The following FTO variants were observed in gnomAD, a reference collection of about 807,000 sequenced individuals.
FTO encodes FTO alpha-ketoglutarate dependent dioxygenase.
Under a neutral mutation model 63.9 loss-of-function variants are expected in FTO, and 47 were observed. The ratio of observed to expected loss-of-function variants is 0.74; its 90% CI spans 0.58 to 0.94. The LOEUF (loss-of-function observed/expected upper bound fraction) is 0.94, where lower values mean the gene tolerates loss of function less well. FTO is among the 40% of genes least tolerant of loss of function. The probability of loss-of-function intolerance (pLI) is 0.00; values close to 1 mark genes in which losing one functional copy is unlikely to be tolerated. For synonymous variants in FTO, 207 were observed against 224.4 expected, an observed-to-expected ratio of 0.92 and a Z score of 0.69; for missense variants, 562 against 618.1, an observed-to-expected ratio of 0.91 and a Z score of 0.96.
intron 1 of FTO, chr16:53,764,092 G>A (rs1265594554): frequency 1.3e-5 from 2 of 152,178 alleles, no homozygotes; most frequent in Non-Finnish European, 2.9e-5. Context: ...AAGCTTGTAA[G>A]CATTCAGCAC....
chr16:54,009,066 A>G (rs1378859655), intron 8 of FTO, among the ~76,000 whole-genome samples: 1 of 151,950 alleles, frequency 6.6e-6, no homozygotes, highest in Non-Finnish European at 1.5e-5. Flanking sequence ...ACTTGATGGT[A>G]ACTAACAATG....
At chr16:54,079,459 CTTACTG>C (rs1162883534) in intron 8 of FTO, among the ~76,000 whole-genome samples, 2 of 152,176 alleles carry the variant, frequency 1.3e-5, no homozygotes, top group African/African-American at 2.4e-5. Flanking sequence ...GACGAACAGA[CTTACTG>C]TTGATGGCAG....
At chr16:53,987,082 C>T (rs1404148089) in intron 8 of FTO, among the ~76,000 whole-genome samples, 4 of 151,746 alleles carry the variant, frequency 2.6e-5, no homozygotes, top group Non-Finnish European at 4.4e-5. Context: ...CAAGAAAAGG[C>T]AGAAACAAAA....
At position 54,111,879 on chromosome 16, in the gene FTO, A is replaced by G. The variant is rs762447726; in HGVS notation, c.1482A>G (p.Ser494=). 6.2e-6 allele frequency: 10 copies of G among 1,614,152 alleles called. No individual in the cohort carries two copies. The South Asian group carries it at 9.9e-5, about 16-fold the overall frequency. The change falls in exon 9 of 9, where the codon TCA becomes TCG. Residue 494 remains serine, a synonymous_variant. Transcript: ENST00000471389. ...PLPFDLTDIV[S]ELRGQLLEAK... is the part of the protein sequence containing the mutation. ...CGTTTGACCTCACAGACATCGTTTC[A>G]GAACTCAGAGGTCAGCTTCTGGAAG... is the stretch of plus-strand genomic sequence containing the variant.
chr16:53,811,177 G>T (rs755494714), intron 2 of FTO, among the ~76,000 whole-genome samples: 11 of 152,158 alleles, frequency 7.2e-5, no homozygotes, highest in Non-Finnish European at 1.6e-4. Context: ...TTAGACATGG[G>T]TGGCTCTCCC....
intron 8 of FTO, among the ~76,000 whole-genome samples, chr16:54,028,130 A>G (rs2084754923): frequency 2.0e-5 from 3 of 152,170 alleles, no homozygotes. Flanking sequence ...ATTACTAATC[A>G]AGATTTGAGA....
chr16:53,756,706 T>G (rs1007708350), intron 1 of FTO, among the ~76,000 whole-genome samples: 1 of 152,188 alleles, frequency 6.6e-6, no homozygotes, highest in Admixed American at 6.5e-5. Flanking sequence ...TATAGTAAAC[T>G]AAGAGAGAGG....
At chr16:54,017,487 T>C (rs545516682) in intron 8 of FTO, among the ~76,000 whole-genome samples, 3 of 152,340 alleles carry the variant, frequency 2.0e-5, no homozygotes, top group African/African-American at 7.2e-5. Flanking sequence ...ATGCAGTGCC[T>C]TCCAGCCCCC....
chr16:54,031,884 A>C (rs1335622321), intron 8 of FTO, among the ~76,000 whole-genome samples: 1 of 152,224 alleles, frequency 6.6e-6, no homozygotes, highest in African/African-American at 2.4e-5. Context: ...AGACATGGGC[A>C]GACAGATGGA....
intron 7 of FTO, among the ~76,000 whole-genome samples, chr16:53,930,929 A>C (rs1029157926): frequency 6.6e-6 from 1 of 152,194 alleles, no homozygotes; most frequent in Non-Finnish European, 1.5e-5. Flanking sequence ...TTTTTGTAAT[A>C]CTTATTTTTC....
chr16:53,939,859 A>G (rs1035180767), intron 8 of FTO, among the ~76,000 whole-genome samples: 2 of 152,178 alleles, frequency 1.3e-5, no homozygotes, highest in Non-Finnish European at 2.9e-5. Context: ...TTATCCAGTA[A>G]TCAACTGATG....
chr16:53,897,392 G>A (rs2081302213), intron 7 of FTO, among the ~76,000 whole-genome samples: 1 of 152,000 alleles, frequency 6.6e-6, no homozygotes. Flanking sequence ...GAGTCTTCGG[G>A]CACTATTCAT....
At chr16:54,011,471 T>G (rs546330608) in intron 8 of FTO, among the ~76,000 whole-genome samples, 1 of 152,296 alleles carries the variant, frequency 6.6e-6, no homozygotes, top group Admixed American at 6.5e-5. Context: ...GAATACCAGG[T>G]CATATCCATC....
At chr16:53,737,831 T>C (rs886243140) in intron 1 of FTO, among the ~76,000 whole-genome samples, 2 of 152,198 alleles carry the variant, frequency 1.3e-5, no homozygotes, top group South Asian at 2.1e-4. Flanking sequence ...AATAGCGTTA[T>C]TGAGATATAA....
intron 1 of FTO, among the ~76,000 whole-genome samples, chr16:53,765,255 C>G (rs1331478744): frequency 6.6e-6 from 1 of 151,874 alleles, no homozygotes; most frequent in East Asian, 1.9e-4. Context: ...AGGAAGAATG[C>G]TAGTAAATAA....
At chr16:54,010,282 C>A (rs2084305621) in intron 8 of FTO, among the ~76,000 whole-genome samples, 1 of 152,056 alleles carries the variant, frequency 6.6e-6, no homozygotes, top group Non-Finnish European at 1.5e-5. Flanking sequence ...TGTGGTGGTT[C>A]ATGCCTATAA....
chr16:53,839,931 A>G (rs1446598303), intron 3 of FTO, among the ~76,000 whole-genome samples: 1 of 151,702 alleles, frequency 6.6e-6, no homozygotes, highest in Non-Finnish European at 1.5e-5. Flanking sequence ...CAGCCTCCTG[A>G]GTAGCTGGGA....
chr16:53,933,832 C>T (rs775743803), intron 7 of FTO, among the ~76,000 whole-genome samples, 153 bp from the exon 8 acceptor site: 9 of 152,256 alleles, frequency 5.9e-5, no homozygotes, highest in African/African-American at 1.9e-4. Flanking sequence ...AAATATATGC[C>T]GGCCATTTTT....
chr16:54,045,967 A>C (rs2085162932), intron 8 of FTO, among the ~76,000 whole-genome samples: 1 of 71,582 alleles, frequency 1.4e-5, no homozygotes, highest in Non-Finnish European at 2.2e-5. Context: ...TTTCAAAATA[A>C]TAAGAGCTAT....
Sources: allele counts gnomAD v4.1 joint callset (sites outside exome capture counted in the v4.1 genomes callset), GRCh38; gene constraint gnomAD v4.1.1; transcripts MANE v1.5; gene names NCBI Gene and HGNC (gene_info 2026-07-23, HGNC 2026-07-21).